Variants in GPC5 observed in about 807,000 individuals in gnomAD.
The protein encoded by GPC5 is glypican-5.
A neutral mutation model predicts 53.9 loss-of-function variants in GPC5; 47 were observed. The ratio of observed to expected loss-of-function variants is 0.87; its 90% confidence interval spans 0.69 to 1.11. The LOEUF is 1.11. Among genes scored for constraint, GPC5 ranks in the 50% most tolerant of loss-of-function variants. The probability of loss-of-function intolerance (pLI) is 0.00; values close to 1 mark genes in which losing one functional copy is unlikely to be tolerated. For synonymous variants in GPC5, 286 were observed against 263.3 expected, an observed-to-expected ratio of 1.09 and a Z score of -0.84; for missense variants, 748 against 713.1, an observed-to-expected ratio of 1.05 and a Z score of -0.56.
intron 5 of GPC5, among the ~76,000 whole-genome samples, chr13:91,779,914 T>C (rs1344240777): frequency 6.6e-6 from 1 of 151,818 alleles, no homozygotes; most frequent in Non-Finnish European, 1.5e-5. Context: ...GTAGAAGGAG[T>C]ATACTCTAAA....
intron 7 of GPC5, among the ~76,000 whole-genome samples, chr13:92,839,820 T>G (rs886977353): frequency 2.0e-5 from 3 of 151,936 alleles, no homozygotes; most frequent in Non-Finnish European, 2.9e-5. Flanking sequence ...AATGTATTCC[T>G]TTTTACCCAT....
At chr13:92,771,594 C>T (rs766241280) in intron 7 of GPC5, among the ~76,000 whole-genome samples, 2 of 152,086 alleles carry the variant, frequency 1.3e-5, no homozygotes, top group Non-Finnish European at 1.5e-5. Context: ...CCACCTGCCT[C>T]GGCCTCCCAA....
At chr13:91,671,915 A>G (rs1162331537) in intron 2 of GPC5, among the ~76,000 whole-genome samples, 2 of 152,096 alleles carry the variant, frequency 1.3e-5, no homozygotes, top group African/African-American at 4.8e-5. Context: ...AGGGAACAGA[A>G]CAGAGATCTC....
At chr13:92,102,801 T>A (rs538013343) in intron 6 of GPC5, among the ~76,000 whole-genome samples, 2 of 152,308 alleles carry the variant, frequency 1.3e-5, no homozygotes, top group Non-Finnish European at 2.9e-5. Context: ...TTTCTCTTTC[T>A]TGTAAAGGAT....
At chr13:91,882,316 A>G (rs1319116278) in intron 5 of GPC5, among the ~76,000 whole-genome samples, 3 of 152,136 alleles carry the variant, frequency 2.0e-5, no homozygotes, top group Non-Finnish European at 4.4e-5. Context: ...ATTCTTGTAT[A>G]TAAGTATTGA....
intron 2 of GPC5, among the ~76,000 whole-genome samples, chr13:91,674,592 T>TATACGCATACAC (rs2035334905): frequency 6.8e-6 from 1 of 147,822 alleles, no homozygotes; most frequent in South Asian, 2.1e-4. Flanking sequence ...TATGTGTATA[T>TATACGCATACAC]ATACGCATAT....
intron 7 of GPC5, among the ~76,000 whole-genome samples, chr13:92,832,702 G>A (rs1007552278): frequency 6.6e-6 from 1 of 152,034 alleles, no homozygotes; most frequent in Admixed American, 6.6e-5. Context: ...ATGCAAAGTG[G>A]CTTCCAAAAA....
intron 6 of GPC5, among the ~76,000 whole-genome samples, chr13:91,964,367 G>A (rs1237118262): frequency 6.6e-6 from 1 of 152,132 alleles, no homozygotes; most frequent in East Asian, 1.9e-4. Context: ...CTGCTGATTG[G>A]TCCATTTTAC....
chr13:91,865,912 G>C (rs2039078319), intron 5 of GPC5, among the ~76,000 whole-genome samples: 1 of 152,134 alleles, frequency 6.6e-6, no homozygotes, highest in Admixed American at 6.5e-5. Flanking sequence ...TTGTGGCCCA[G>C]GCTTGAGTGC....
chr13:92,006,111 C>A (rs1002131394), intron 6 of GPC5, among the ~76,000 whole-genome samples: 2 of 152,098 alleles, frequency 1.3e-5, no homozygotes, highest in African/African-American at 4.8e-5. Flanking sequence ...TATCTTACAC[C>A]ACTGAGTTTG....
intron 7 of GPC5, among the ~76,000 whole-genome samples, chr13:92,335,520 C>T (rs1482780507): frequency 6.6e-6 from 1 of 152,166 alleles, no homozygotes; most frequent in South Asian, 2.1e-4. Context: ...CTCCTCATTA[C>T]CTATGCAAAT....
At chr13:92,505,314 G>A (rs1880329240) in intron 7 of GPC5, among the ~76,000 whole-genome samples, 1 of 151,972 alleles carries the variant, frequency 6.6e-6, no homozygotes, top group Non-Finnish European at 1.5e-5. Context: ...GACTTGAACA[G>A]ATGTTTCACG....
intron 4 of GPC5, among the ~76,000 whole-genome samples, chr13:91,730,054 G>A (rs1388660267): frequency 6.6e-6 from 1 of 152,156 alleles, no homozygotes; most frequent in East Asian, 1.9e-4. Flanking sequence ...ATCCAGCCAT[G>A]TTTAGCCATT....
chr13:92,065,934 C>G (rs1207229474), intron 6 of GPC5, among the ~76,000 whole-genome samples: 2 of 151,928 alleles, frequency 1.3e-5, no homozygotes, highest in Non-Finnish European at 2.9e-5. Context: ...AAGACAGTAG[C>G]TATATGATCA....
intron 6 of GPC5, among the ~76,000 whole-genome samples, chr13:92,099,835 A>T (rs971396062): frequency 6.6e-6 from 1 of 152,134 alleles, no homozygotes; most frequent in African/African-American, 2.4e-5. Flanking sequence ...AGGTAAAGGG[A>T]TATTGTAGGT....
At chr13:92,819,130 T>A (rs1355334806) in intron 7 of GPC5, among the ~76,000 whole-genome samples, 1 of 152,044 alleles carries the variant, frequency 6.6e-6, no homozygotes. Context: ...TTCAGTTAAC[T>A]CCTTCCATAC....
intron 7 of GPC5, among the ~76,000 whole-genome samples, chr13:92,494,656 A>G (rs923396131): frequency 6.6e-6 from 1 of 152,142 alleles, no homozygotes; most frequent in Non-Finnish European, 1.5e-5. Flanking sequence ...TATATATTGC[A>G]TTAGTTTATT....
chr13:92,759,939 G>A (rs1329905861), intron 7 of GPC5, among the ~76,000 whole-genome samples: 1 of 151,908 alleles, frequency 6.6e-6, no homozygotes. Flanking sequence ...GTCAAACTTT[G>A]GTAAATGCTT....
intron 7 of GPC5, among the ~76,000 whole-genome samples, chr13:92,479,355 G>A (rs889778130): frequency 9.9e-5 from 15 of 152,266 alleles, no homozygotes; most frequent in Admixed American, 7.9e-4. Context: ...AGAAGCAAGC[G>A]ATAAACTTCA....
Sources: gnomAD v4.1 joint callset for allele counts (sites outside exome capture counted in the v4.1 genomes callset) on GRCh38, gnomAD v4.1.1 for gene constraint, MANE v1.5 for transcripts, NCBI Gene and HGNC (gene_info 2026-07-23, HGNC 2026-07-21) for gene names.